Variants in COBL observed in about 807,000 individuals in gnomAD.
COBL encodes the protein protein cordon-bleu.
In COBL, 51 loss-of-function variants were observed where a neutral mutation model predicts 98.8. The ratio of observed to expected loss-of-function variants is 0.52; its 90% CI spans 0.41 to 0.65. COBL has a LOEUF of 0.65. Among genes scored for constraint, COBL ranks in the 30% least tolerant of loss-of-function variants. The probability of loss-of-function intolerance (pLI) is 0.00; values close to 1 mark genes in which losing one functional copy is unlikely to be tolerated. For missense variants in COBL, 1,617 were observed against 1,617.5 expected (o/e 1.00, Z 0.01); for synonymous variants, 634 against 651.7 (o/e 0.97, Z 0.41).
intron 7 of COBL, among the ~76,000 whole-genome samples, chr7:51,056,628 C>G (rs541316345): frequency 5.8e-4 from 89 of 152,212 alleles, no homozygotes; most frequent in African/African-American, 2.1e-3. Context: ...TAAACTGTTA[C>G]CTGGTTCTGG....
At position 51,193,014 on chromosome 7, in the gene COBL, A is replaced by C. The variant is rs776596577; in HGVS notation, c.456+365T>G. Among the ~76,000 whole-genome samples, 59 of 152,230 alleles carry C rather than the reference A, an allele frequency of 3.9e-4. 1 individual carries two copies. The highest frequency in any genetic ancestry group is 6.3e-4 in the Non-Finnish European group (43 of 68,038). ...TCTACATGAATATTTTAGATATTTA[A>C]GTTATAATAAACATACCAAATTTTT... On this transcript the variant is annotated intron_variant, in intron 3 of 12. Transcript: ENST00000265136.
intron 1 of COBL, among the ~76,000 whole-genome samples, chr7:51,278,279 A>C (rs1799492295): frequency 6.6e-6 from 1 of 151,998 alleles, no homozygotes; most frequent in African/African-American, 2.4e-5. Context: ...ATGCTCAGTG[A>C]GAGCCCAGAG....
chr7:51,217,979 G>A (rs1264415478), intron 2 of COBL, among the ~76,000 whole-genome samples: 2 of 152,184 alleles, frequency 1.3e-5, no homozygotes, highest in Non-Finnish European at 2.9e-5. Flanking sequence ...TTGATCCACT[G>A]TAGACAGTTA....
intron 2 of COBL, among the ~76,000 whole-genome samples, chr7:51,215,764 C>A (rs1792972227): frequency 6.6e-6 from 1 of 152,240 alleles, no homozygotes; most frequent in Non-Finnish European, 1.5e-5. Context: ...AAGGCCATGA[C>A]CTTTCAGAGG....
Position 51,191,004 on chromosome 7 carries a change from G to T in COBL, c.531C>A (p.Leu177=). ...AVVRVSPEVP[L]QNILPVICAK... ...CACAAATGACTGGGAGAATATTCTGGAGAGGAACCTCAGGGCTCACACGCA... is the reference window on the plus strand; with the variant it reads ...CACAAATGACTGGGAGAATATTCTGTAGAGGAACCTCAGGGCTCACACGCA... The change falls in exon 4 of 13, where the codon CTC becomes CTA. Residue 177 remains leucine, a synonymous_variant. Coordinates refer to ENST00000265136, the MANE Select transcript of COBL (RefSeq NM_015198.5). 6.2e-7 allele frequency: 1 copy of T among 1,614,194 alleles called. No homozygotes were observed. The highest frequency in any genetic ancestry group is 8.5e-7 in the Non-Finnish European group (1 of 1,180,046).
At chr7:51,238,972 C>T (rs1042420280) in intron 1 of COBL, among the ~76,000 whole-genome samples, 1 of 152,062 alleles carries the variant, frequency 6.6e-6, no homozygotes, top group Non-Finnish European at 1.5e-5. Flanking sequence ...ATGCTGGTAG[C>T]GTACTCATTA....
intron 5 of COBL, among the ~76,000 whole-genome samples, chr7:51,173,908 TCA>T (rs760725492): frequency 3.9e-5 from 6 of 152,074 alleles, no homozygotes; most frequent in Non-Finnish European, 7.4e-5. Context: ...ATACACACAT[TCA>T]CACACATATG....
At position 51,288,668 on chromosome 7, in the gene COBL, CGCTTAA is replaced by C. The variant is rs1800601203; in HGVS notation, c.41+27919_41+27924del. ...ACTCGGGAGGCTGAGGCAGGAGAAT[CGCTTAA>C]ACCCAGGAGGTGGAGGTTGCAGTGA... On this transcript the variant is annotated intron_variant, in intron 1 of 12. Coordinates refer to ENST00000265136, the MANE Select transcript of COBL (RefSeq NM_015198.5). Among the ~76,000 whole-genome samples, 7 of 151,412 alleles carry C rather than the reference CGCTTAA, an allele frequency of 4.6e-5. No individual in the cohort carries two copies. The South Asian group carries it at 1.3e-3, about 27-fold the overall frequency.
chr7:51,288,717 G>A (rs1167640375), intron 1 of COBL, among the ~76,000 whole-genome samples: 1 of 152,064 alleles, frequency 6.6e-6, no homozygotes, highest in Admixed American at 6.5e-5. Context: ...TCACGTTATT[G>A]TACTTCAGCC....
In COBL at chr7:51,125,152, G is replaced by A. The variant is rs571922033; in HGVS notation, c.957+11006C>T. 1.2e-4 allele frequency among the ~76,000 whole-genome samples: 18 copies of A among 152,270 alleles called. No homozygotes were observed. The South Asian group carries it at 3.3e-3, about 28-fold the overall frequency. On this transcript the variant is annotated intron_variant, in intron 6 of 12. Coordinates refer to ENST00000265136, the MANE Select transcript of COBL (RefSeq NM_015198.5). ...TTGTGTGTTGAAGCCCTAATCCCCA[G>A]TGTGTGACTATATTTGGAGATGGGG...
intron 1 of COBL, among the ~76,000 whole-genome samples, chr7:51,242,572 C>A (rs1286981179): frequency 6.6e-6 from 1 of 152,168 alleles, no homozygotes; most frequent in Non-Finnish European, 1.5e-5. Flanking sequence ...GAGCTGTCCA[C>A]CGACCCTGCT....
At chr7:51,191,819 A>G (rs933519727) in intron 3 of COBL, among the ~76,000 whole-genome samples, 1 of 152,010 alleles carries the variant, frequency 6.6e-6, no homozygotes, top group Non-Finnish European at 1.5e-5. Context: ...TTTACTGATC[A>G]CTCTAATTGT....
intron 6 of COBL, among the ~76,000 whole-genome samples, chr7:51,101,855 G>A (rs1365892491): frequency 2.0e-5 from 3 of 152,118 alleles, no homozygotes; most frequent in East Asian, 1.9e-4. Context: ...GTGCCTTCTC[G>A]TTATGGACTG....
intron 7 of COBL, among the ~76,000 whole-genome samples, chr7:51,081,047 C>T (rs965665103): frequency 1.3e-5 from 2 of 152,160 alleles, no homozygotes; most frequent in Non-Finnish European, 2.9e-5. Context: ...ATAAAAGCTC[C>T]GAGATGCTTG....
At chr7:51,154,742 A>G (rs187264579) in intron 5 of COBL, among the ~76,000 whole-genome samples, 42 of 152,354 alleles carry the variant, frequency 2.8e-4, no homozygotes, top group Admixed American at 2.1e-3. Context: ...AAAACACTCA[A>G]GAAAATATCA....
At chr7:51,091,710 C>T (rs1331094417) in intron 6 of COBL, among the ~76,000 whole-genome samples, 2 of 152,086 alleles carry the variant, frequency 1.3e-5, no homozygotes, top group African/African-American at 4.8e-5. Flanking sequence ...CAAAGAGGAC[C>T]ATACCACAAT....
In COBL at chr7:51,190,967, C is replaced by T; in HGVS notation, c.568G>A (p.Val190Ile). Residue 190 changes from valine (V) to isoleucine (I), a missense_variant, in exon 4 of 13, where the codon GTC (valine) becomes ATC (isoleucine). Transcript: ENST00000265136. ...AGGAGAACCACGTGCTCTGGGCTGACCTCACACTTTGCACAAATGACTGGG... is the reference window on the plus strand; with the variant it reads ...AGGAGAACCACGTGCTCTGGGCTGATCTCACACTTTGCACAAATGACTGGG... Reference protein sequence around the residue: ...ILPVICAKCEVSPEHVVLLRD... With the variant: ...ILPVICAKCEISPEHVVLLRD... 6.2e-7 allele frequency: 1 copy of T among 1,614,154 alleles called. No individual in the cohort carries two copies. Among genetic ancestry groups the T allele is most frequent in the Non-Finnish European group, 8.5e-7 (1 of 1,180,036 alleles).
intron 1 of COBL, among the ~76,000 whole-genome samples, chr7:51,224,623 C>T (rs1282553107): frequency 2.6e-5 from 4 of 151,916 alleles, no homozygotes; most frequent in African/African-American, 9.7e-5. Context: ...AACAGCATGC[C>T]CGGGCTAGGG....
chr7:51,205,628 T>C (rs1791603900), intron 2 of COBL, among the ~76,000 whole-genome samples: 1 of 144,922 alleles, frequency 6.9e-6, no homozygotes, highest in Non-Finnish European at 1.5e-5. Flanking sequence ...GTTTGTTTGT[T>C]TTTGTTTTTT....
Sources: allele counts gnomAD v4.1 joint callset (sites outside exome capture counted in the v4.1 genomes callset), GRCh38; gene constraint gnomAD v4.1.1; transcripts MANE v1.5; gene names NCBI Gene and HGNC (gene_info 2026-07-23, HGNC 2026-07-21).